PDXDC1: variants seen among roughly 807,000 people sequenced by gnomAD.
The protein encoded by PDXDC1 is pyridoxal dependent decarboxylase domain containing 1, also known as pyridoxal-dependent decarboxylase domain-containing protein 1.
Under a neutral mutation model 100.1 loss-of-function variants are expected in PDXDC1, and 42 were observed. The ratio of observed to expected loss-of-function variants is 0.42; its 90% CI spans 0.33 to 0.54. The LOEUF (loss-of-function observed/expected upper bound fraction) is 0.54. Among genes scored for constraint, PDXDC1 ranks in the 20% least tolerant of loss-of-function variants. The pLI, the probability that PDXDC1 is intolerant of heterozygous loss-of-function variation, is 0.10. For synonymous variants in PDXDC1, 260 were observed against 371.7 expected, an observed-to-expected ratio of 0.70 and a Z score of 3.46; for missense variants, 636 against 979.2, an observed-to-expected ratio of 0.65 and a Z score of 4.68.
At chr16:14,987,678 C>A in intron 1 of PDXDC1, among the ~76,000 whole-genome samples, 1 of 152,290 alleles carries the variant, frequency 6.6e-6, no homozygotes, top group African/African-American at 2.4e-5. Flanking sequence ...GTGGCACCAT[C>A]TCTGCTCACT....
At chr16:15,071,963 T>TC (rs1427458437) in intron 16 of PDXDC1, among the ~76,000 whole-genome samples, 3 of 152,134 alleles carry the variant, frequency 2.0e-5, no homozygotes, top group African/African-American at 7.2e-5. Flanking sequence ...CAAAGCACCT[T>TC]CCGGTCTCTG....
chr16:15,094,588 A>C, intron 16 of PDXDC1: 1 of 349,448 alleles, frequency 2.9e-6, no homozygotes, highest in Non-Finnish European at 5.3e-6. Flanking sequence ...CCTCAGTCAA[A>C]TCGAAGAAAC....
At chr16:15,007,842 G>GT (rs1567660871) in intron 6 of PDXDC1, among the ~76,000 whole-genome samples, 4 of 152,294 alleles carry the variant, frequency 2.6e-5, no homozygotes, top group Non-Finnish European at 1.5e-5. Flanking sequence ...CAAAAGATGT[G>GT]TAAGAGTGTT....
intron 5 of PDXDC1, among the ~76,000 whole-genome samples, chr16:15,005,862 G>A (rs146640290): frequency 3.3e-5 from 5 of 152,370 alleles, no homozygotes; most frequent in East Asian, 3.9e-4. Flanking sequence ...ACCACACCTC[G>A]CAATTAGTAG....
At chr16:15,122,891 T>C (rs1187877211) in intron 16 of PDXDC1, among the ~76,000 whole-genome samples, 1 of 121,340 alleles carries the variant, frequency 8.2e-6, no homozygotes, top group Non-Finnish European at 1.8e-5. Flanking sequence ...AGAAGGGGGC[T>C]GTTGGGTACC....
chr16:15,086,149 A>G, intron 16 of PDXDC1: 5 of 1,601,512 alleles, frequency 3.1e-6, no homozygotes, highest in Non-Finnish European at 4.3e-6. Context: ...ATGGGAAGCA[A>G]TCATGCTGAG....
chr16:15,047,369 G>T, intron 16 of PDXDC1: 1 of 988,116 alleles, frequency 1.0e-6, no homozygotes, highest in Non-Finnish European at 1.6e-6. Flanking sequence ...TCCCCTAACA[G>T]CTTCCACAGC....
chr16:15,091,911 G>A (rs1196769179), intron 16 of PDXDC1, among the ~76,000 whole-genome samples: 4 of 152,184 alleles, frequency 2.6e-5, no homozygotes, highest in Non-Finnish European at 4.4e-5. Flanking sequence ...AGGCATGGTG[G>A]CTCACGTCTG....
chr16:15,144,197 G>GA (rs1005304986), downstream of PDXDC1, among the ~76,000 whole-genome samples: 3 of 152,208 alleles, frequency 2.0e-5, no homozygotes, highest in Non-Finnish European at 4.4e-5. Flanking sequence ...GTGGGCGCTG[G>GA]AGAGGACAGG....
At chr16:15,065,716 G>C (rs1050545399) in intron 16 of PDXDC1, among the ~76,000 whole-genome samples, 37 of 152,052 alleles carry the variant, frequency 2.4e-4, no homozygotes, top group African/African-American at 8.9e-4. Context: ...CTTAGATTAC[G>C]TAACTATAGG....
intron 16 of PDXDC1, among the ~76,000 whole-genome samples, chr16:15,111,984 T>C (rs1026384924): frequency 4.7e-5 from 7 of 147,876 alleles, no homozygotes; most frequent in African/African-American, 1.7e-4. Flanking sequence ...ATCTTTCTTC[T>C]GTCCCTGCTC....
chr16:15,086,813 T>C (rs897400404), intron 16 of PDXDC1, among the ~76,000 whole-genome samples: 11 of 152,160 alleles, frequency 7.2e-5, no homozygotes, highest in East Asian at 3.8e-4. Flanking sequence ...AAAGGAACAA[T>C]AGCTACCTCT....
At chr16:15,100,372 CAT>C (rs1244746094) in intron 16 of PDXDC1, among the ~76,000 whole-genome samples, 2 of 152,166 alleles carry the variant, frequency 1.3e-5, no homozygotes, top group Admixed American at 6.5e-5. Flanking sequence ...CATGTATACA[CAT>C]ATATGTGTAT....
At chr16:15,111,617 G>A (rs1485432696) in intron 16 of PDXDC1, among the ~76,000 whole-genome samples, 1 of 147,232 alleles carries the variant, frequency 6.8e-6, no homozygotes, top group African/African-American at 2.5e-5. Flanking sequence ...AATTAGCTGA[G>A]CATGGTGGCG....
At position 15,047,765 on chromosome 16, in the gene PDXDC1, A is replaced by C. The variant is rs920181990; in HGVS notation, c.1399+17709A>C. ...AAGGTAAGCGGAGTCCGCTTCCAAC[A>C]AGACACCAGGAAACTCAACACGAGA... On this transcript the variant is annotated intron_variant, in intron 16 of 16. Transcript: ENST00000535621. The C allele has an allele frequency of 7.8e-6, 9 of 1,153,130 alleles. No homozygotes were observed. The African/African-American group carries it at 1.1e-4, about 14-fold the overall frequency. The allele number at this position is 1,153,130 out of a possible 1,614,324, so 71.4% of individuals were successfully genotyped here. A position where few individuals can be genotyped will look rare whatever the true frequency, so the allele number is the denominator to read the frequency against.
At chr16:15,094,347 C>T (rs1326021665) in intron 16 of PDXDC1, 7 of 984,926 alleles carry the variant, frequency 7.1e-6, no homozygotes, top group Non-Finnish European at 1.1e-5. Flanking sequence ...AATCAGCGGC[C>T]CCGCGTGGGG....
chr16:14,989,938 C>A, intron 1 of PDXDC1: 2 of 1,470,980 alleles, frequency 1.4e-6, no homozygotes, highest in South Asian at 2.6e-5. Context: ...TCCCGCAGGC[C>A]GCGCCAGGCG....
intron 6 of PDXDC1, among the ~76,000 whole-genome samples, chr16:15,006,949 G>C (rs1178553787): frequency 6.6e-6 from 1 of 152,272 alleles, no homozygotes; most frequent in East Asian, 1.9e-4. Context: ...TCCTTCAAGT[G>C]AATATATAGT....
chr16:15,035,981 T>C, intron 22 of PDXDC1, 35 bp from the exon 23 acceptor site: 1 of 1,579,090 alleles, frequency 6.3e-7, no homozygotes, highest in South Asian at 1.2e-5. Context: ...GTATCCTCAC[T>C]GAGTTTCAGC....
Sources: gnomAD v4.1 joint callset for allele counts (sites outside exome capture counted in the v4.1 genomes callset) on GRCh38, gnomAD v4.1.1 for gene constraint, MANE v1.5 for transcripts, NCBI Gene and HGNC (gene_info 2026-07-23, HGNC 2026-07-21) for gene names.